Variants in EPHX1 observed in about 807,000 individuals in gnomAD.
The protein encoded by EPHX1 is epoxide hydrolase 1.
In EPHX1, 40 loss-of-function variants were observed where a neutral mutation model predicts 43.2. That is an observed-to-expected ratio of 0.93 (90% confidence interval 0.72 to 1.21). The LOEUF (loss-of-function observed/expected upper bound fraction) is 1.21. EPHX1 is among the 50% of genes most tolerant of loss of function. The pLI is 0.00. For missense variants in EPHX1, 550 were observed against 570.4 expected, an observed-to-expected ratio of 0.96 and a Z score of 0.36; for synonymous variants, 221 against 226.7, an observed-to-expected ratio of 0.98 and a Z score of 0.22.
At chr1:225,832,264 G>A in intron 3 of EPHX1, 6 of 392,492 alleles carry the variant, frequency 1.5e-5, no homozygotes, top group South Asian at 1.3e-4. Context: ...CCCAGGCCAA[G>A]TGGGGTGGCT....
intron 1 of EPHX1, among the ~76,000 whole-genome samples, chr1:225,824,214 A>G (rs556932892): frequency 7.1e-6 from 1 of 140,234 alleles, no homozygotes; most frequent in Non-Finnish European, 1.5e-5. Context: ...GTTTCTTATT[A>G]TTACATTTTT....
At chr1:225,843,628 G>A (rs1258585606) in intron 7 of EPHX1, among the ~76,000 whole-genome samples, 1 of 152,214 alleles carries the variant, frequency 6.6e-6, no homozygotes, top group African/African-American at 2.4e-5. Context: ...CACTCCTGCA[G>A]CTCTGGCCCC....
intron 3 of EPHX1, among the ~76,000 whole-genome samples, chr1:225,836,792 G>A (rs1667992027): frequency 6.6e-6 from 1 of 152,182 alleles, no homozygotes; most frequent in Non-Finnish European, 1.5e-5. Context: ...GGGGAATAGG[G>A]GAAACGGCAT....
At position 225,817,845 on chromosome 1, in the gene EPHX1, G is replaced by A. The variant is rs751630265; in HGVS notation, c.-6+7676G>A. 6.6e-6 allele frequency among the ~76,000 whole-genome samples: 1 copy of A among 152,238 alleles called. No individual in the cohort carries two copies. Among genetic ancestry groups the A allele is most frequent in the Non-Finnish European group, 1.5e-5 (1 of 68,046 alleles). ...AGCCAAGGCCGGGCACATGGCAAGT[G>A]CTGAGTCATGGCCGGCTAGCACTTT... is the stretch of plus-strand genomic sequence containing the variant. On this transcript the variant is annotated intron_variant, in intron 1 of 8. Coordinates refer to ENST00000272167, the MANE Select transcript of EPHX1 (RefSeq NM_001136018.4). The surrounding 1 kb of genome is among the most constrained non-coding windows in gnomAD (Gnocchi z 5.7).
chr1:225,820,844 T>G (rs1025024131), intron 1 of EPHX1, among the ~76,000 whole-genome samples: 4 of 152,046 alleles, frequency 2.6e-5, no homozygotes, highest in Non-Finnish European at 5.9e-5. Flanking sequence ...ACTGGAAGGG[T>G]GTTTATCTGT....
At chr1:225,838,057 T>G (rs999431439) in intron 3 of EPHX1, among the ~76,000 whole-genome samples, 1 of 152,258 alleles carries the variant, frequency 6.6e-6, no homozygotes, top group Non-Finnish European at 1.5e-5. Flanking sequence ...ATAGTATAAG[T>G]ACAGTATAAG....
chr1:225,838,110 G>A (rs140968498), intron 3 of EPHX1, among the ~76,000 whole-genome samples: 2 of 152,290 alleles, frequency 1.3e-5, no homozygotes, highest in East Asian at 3.9e-4. Context: ...CAATGGATAT[G>A]ACTTGATCAT....
rs1462738916 is a variant in EPHX1, at chr1:225,810,143, C to A, written c.-32C>A. The stretch of plus-strand genomic sequence containing the variant: ...GGAGCCGGAGAGATCGCGCGCCTGC[C>A]GCCGCCGGAGCCTGCGAGCCGAGAC... On this transcript the variant is annotated 5_prime_UTR_variant, in exon 1 of 9. Coordinates refer to ENST00000272167, the MANE Select transcript of EPHX1 (RefSeq NM_001136018.4). The A allele has an allele frequency of 6.6e-6, 1 of 151,778 alleles. No homozygotes were observed. Among genetic ancestry groups the A allele is most frequent in the East Asian group, 1.9e-4 (1 of 5,168 alleles). 9.4% of individuals were successfully genotyped at this position (151,778 alleles called of 1,614,324 possible). A position where few individuals can be genotyped will look rare whatever the true frequency, so the allele number is the denominator to read the frequency against.
chr1:225,831,709 G>A, intron 2 of EPHX1, 70 bp from the exon 3 acceptor site: 1 of 1,536,786 alleles, frequency 6.5e-7, no homozygotes, highest in Non-Finnish European at 9.0e-7. Flanking sequence ...GTGTTTTCTG[G>A]AAACAGACTT....
intron 1 of EPHX1, among the ~76,000 whole-genome samples, chr1:225,810,865 G>A (rs1351986899): frequency 1.3e-5 from 2 of 152,116 alleles, no homozygotes; most frequent in Non-Finnish European, 2.9e-5. Context: ...GCAGGAACAG[G>A]TCATTTTCAC....
At position 225,839,962 on chromosome 1, in the gene EPHX1, AAGG is replaced by A; in HGVS notation, c.859_861del (p.Glu287del). ...GGATGTGGAGCTGCTGTACCCCGTC[AAGG>A]AGAAGGTATTCTACAGCCTGATGAG... On this transcript the variant is annotated inframe_deletion, in exon 6 of 9. Coordinates refer to ENST00000272167, the MANE Select transcript of EPHX1 (RefSeq NM_001136018.4). 28 of 1,614,244 alleles carry A rather than the reference AAGG, an allele frequency of 1.7e-5. No homozygotes were observed. The highest frequency in any genetic ancestry group is 2.2e-5 in the Non-Finnish European group (26 of 1,180,038).
chr1:225,835,988 T>TG (rs1667943678), intron 3 of EPHX1, among the ~76,000 whole-genome samples: 1 of 152,180 alleles, frequency 6.6e-6, no homozygotes, highest in Non-Finnish European at 1.5e-5. Context: ...TTCTTGGCCT[T>TG]GGTCCTTTAG....
At chr1:225,811,107 G>C (rs1044308327) in intron 1 of EPHX1, among the ~76,000 whole-genome samples, 1 of 152,246 alleles carries the variant, frequency 6.6e-6, no homozygotes, top group South Asian at 2.1e-4. Context: ...CAGGAAACTT[G>C]CCCGGGAGTT....
In EPHX1 at chr1:225,828,713, C is replaced by G. The variant is rs1308013738; in HGVS notation, c.-5-12C>G. The G allele has an allele frequency of 6.2e-7, 1 of 1,610,280 alleles. No individual in the cohort carries two copies. Among genetic ancestry groups the G allele is most frequent in the African/African-American group, 1.3e-5 (1 of 74,292 alleles). On this transcript the variant is annotated splice_polypyrimidine_tract_variant and intron_variant, in intron 1 of 8. Transcript: ENST00000272167. ...CGGGCTCCGTTGTTAATGGCTTCCC[C>G]TCATCTTGCAGGAGCCATGTGGCTA...
chr1:225,819,637 G>T (rs1182279606), intron 1 of EPHX1, among the ~76,000 whole-genome samples: 2 of 152,108 alleles, frequency 1.3e-5, no homozygotes, highest in Non-Finnish European at 2.9e-5. Context: ...CTGGGTTTTT[G>T]GCTTGGCAGT....
intron 3 of EPHX1, among the ~76,000 whole-genome samples, chr1:225,834,589 T>TAA (rs33985896): frequency 0.42 from 50,922 of 120,900 alleles, 11,110 homozygotes; most frequent in Middle Eastern, 0.56. Flanking sequence ...CCAAGAACAC[T>TAA]AAAAAAAAAA....
rs1366148459 is a variant in EPHX1 at position 225,817,191 on chromosome 1, G to T, written c.-6+7022G>T. On this transcript the variant is annotated intron_variant, in intron 1 of 8. Coordinates refer to ENST00000272167, the MANE Select transcript of EPHX1 (RefSeq NM_001136018.4). The surrounding 1 kb of genome is among the most constrained non-coding windows in gnomAD (Gnocchi z 5.7). ...GCCTCTTCCATCCTGAGTCTCCAGG[G>T]GTCCCTGGGGTTCAGGGACAATGGC... Among the ~76,000 whole-genome samples, 1 of 152,172 alleles carries T rather than the reference G, an allele frequency of 6.6e-6. No individual in the cohort carries two copies. Among genetic ancestry groups the T allele is most frequent in the Non-Finnish European group, 1.5e-5 (1 of 68,014 alleles).
chr1:225,832,894 T>C (rs1667694434), intron 3 of EPHX1, among the ~76,000 whole-genome samples: 2 of 152,196 alleles, frequency 1.3e-5, no homozygotes, highest in African/African-American at 4.8e-5. Flanking sequence ...ATTTTTTGGG[T>C]GTTTTATTAG....
At chr1:225,824,686 G>C (rs533604118) in intron 1 of EPHX1, among the ~76,000 whole-genome samples, 3 of 152,240 alleles carry the variant, frequency 2.0e-5, no homozygotes, top group Admixed American at 6.5e-5. Context: ...AGCAGACGGG[G>C]GGGTGTGGAG....
Sources: allele counts gnomAD v4.1 joint callset (sites outside exome capture counted in the v4.1 genomes callset), GRCh38; gene constraint gnomAD v4.1.1; non-coding constraint Gnocchi (gnomAD v3.1); transcripts MANE v1.5; gene names NCBI Gene and HGNC (gene_info 2026-07-23, HGNC 2026-07-21).